Variants in FAM78A observed in about 807,000 individuals in gnomAD.
FAM78A encodes the protein protein FAM78A.
A neutral mutation model predicts 22.6 loss-of-function variants in FAM78A; 12 were observed. That is an observed-to-expected ratio of 0.53 (90% CI 0.34 to 0.86). FAM78A has a LOEUF of 0.86. Among genes scored for constraint, FAM78A ranks in the 40% least tolerant of loss-of-function variants. FAM78A has a pLI of 0.02. For synonymous variants in FAM78A, 151 were observed against 155.8 expected (o/e 0.97, Z 0.23); for missense variants, 322 against 396.1 (o/e 0.81, Z 1.59).
chr9:131,270,588 G>T, intron 1 of FAM78A: 1 of 708,812 alleles, frequency 1.4e-6, no homozygotes, highest in Middle Eastern at 2.8e-4. Flanking sequence ...CCACCCCAAA[G>T]CCTTGAAACA....
chr9:131,260,431 G>GT lies in FAM78A; in HGVS notation c.*390_*391insA. ...CAGTGTGGATCTGTCTCTTTGATCG[G>GT]GGGCTGGAGCTTCCCTCCTAATCAG... is the stretch of plus-strand genomic sequence containing the variant. On this transcript the variant is annotated 3_prime_UTR_variant, in exon 2 of 2. Coordinates refer to ENST00000372271, the MANE Select transcript of FAM78A (RefSeq NM_033387.4). This position sits in a 1 kb window ranked among gnomAD's most constrained non-coding sequence, Gnocchi z 5.4. 1.8e-5 allele frequency: 3 copies of GT among 170,578 alleles called. No individual in the cohort carries two copies. Among genetic ancestry groups the GT allele is most frequent in the Non-Finnish European group, 3.7e-5 (3 of 80,670 alleles). 10.6% of individuals were successfully genotyped at this position (170,578 alleles called of 1,614,324 possible).
rs556034340 is a variant in FAM78A, at chr9:131,275,240, G to C, written c.323+617C>G. Among the ~76,000 whole-genome samples the C allele has an allele frequency of 6.6e-6, 1 of 152,174 alleles. No homozygotes were observed. The highest frequency in any genetic ancestry group is 2.4e-5 in the African/African-American group (1 of 41,430). On this transcript the variant is annotated intron_variant, in intron 1 of 1. Transcript: ENST00000372271. The surrounding 1 kb of genome is among the most constrained non-coding windows in gnomAD (Gnocchi z 4.6). ...GACACTGGACTTGTCTGCATAAAGC[G>C]GTCTTCTGCCTTGGAGACAGAAAGC...
At position 131,275,967 on chromosome 9, in the gene FAM78A, G is replaced by C. The variant is rs1835478889; in HGVS notation, c.213C>G (p.Ala71=). 1.2e-6 allele frequency: 2 copies of C among 1,613,580 alleles called. No homozygotes were observed. Among genetic ancestry groups the C allele is most frequent in the Non-Finnish European group, 1.7e-6 (2 of 1,180,034 alleles). Residue 71 remains alanine, a synonymous_variant, in exon 1 of 2, where the codon GCC becomes GCG. Transcript: ENST00000372271. The surrounding 1 kb of genome is among the most constrained non-coding windows in gnomAD (Gnocchi z 4.6). ...TGGGCGGCATGACCACCTGGGCCGA[G>C]GCCCGGAAGTGGGGTGTCCGGTAGC... ...VLRYRTPHFR[A]SAQVVMPPIP...
Position 131,260,441 on chromosome 9 carries a change from C to CA in FAM78A, c.*380_*381insT. The stretch of plus-strand genomic sequence containing the variant: ...CTGTCTCTTTGATCGGGGGCTGGAG[C>CA]TTCCCTCCTAATCAGCTCCCCCTCC... On this transcript the variant is annotated 3_prime_UTR_variant, in exon 2 of 2. Coordinates refer to ENST00000372271, the MANE Select transcript of FAM78A (RefSeq NM_033387.4). The surrounding 1 kb of genome is among the most constrained non-coding windows in gnomAD (Gnocchi z 5.4). The CA allele has an allele frequency of 5.8e-6, 1 of 173,662 alleles. No homozygotes were observed. Among genetic ancestry groups the CA allele is most frequent in the Non-Finnish European group, 1.2e-5 (1 of 82,708 alleles). The allele number at this position is 173,662 out of a possible 1,614,324, so 10.8% of individuals were successfully genotyped here.
At position 131,260,638 on chromosome 9, in the gene FAM78A, CT is replaced by C. The variant is rs571693531; in HGVS notation, c.*183del. ...TGTCTGTCCTGCTTAGATCTCCCCT[CT>C]CCCTGAAAGGAAGCAGGTGCCGAGA... On this transcript the variant is annotated 3_prime_UTR_variant, in exon 2 of 2. Coordinates refer to ENST00000372271, the MANE Select transcript of FAM78A (RefSeq NM_033387.4). This position sits in a 1 kb window ranked among gnomAD's most constrained non-coding sequence, Gnocchi z 5.4. The C allele has an allele frequency of 1.2e-3, 726 of 613,414 alleles. 22 individuals are homozygous for C. The Admixed American group carries it at 0.023, about 20-fold the overall frequency. 38.0% of individuals were successfully genotyped at this position (613,414 alleles called of 1,614,324 possible).
At chr9:131,269,863 A>G (rs1000117219) in intron 1 of FAM78A, among the ~76,000 whole-genome samples, 1 of 152,022 alleles carries the variant, frequency 6.6e-6, no homozygotes, top group Admixed American at 6.6e-5. Context: ...TCCAATATGC[A>G]GGCCCTGAGC....
intron 1 of FAM78A, among the ~76,000 whole-genome samples, chr9:131,270,981 C>A (rs1835414138): frequency 6.6e-6 from 1 of 151,198 alleles, no homozygotes; most frequent in Non-Finnish European, 1.5e-5. Context: ...TCCACCCCTG[C>A]CCTGTCCTTT....
At position 131,275,873 on chromosome 9, in the gene FAM78A, A is replaced by C; in HGVS notation, c.307T>G (p.Tyr103Asp). The C allele has an allele frequency of 6.3e-7, 1 of 1,596,232 alleles. No individual in the cohort carries two copies. Among genetic ancestry groups the C allele is most frequent in the Non-Finnish European group, 8.6e-7 (1 of 1,168,998 alleles). The change falls in exon 1 of 2, where the codon TAC becomes GAC. Residue 103 changes from tyrosine to aspartate, a missense_variant. Tyr to Asp is a radical substitution (Grantham distance 160, BLOSUM62 -3). Transcript: ENST00000372271. This position sits in a 1 kb window ranked among gnomAD's most constrained non-coding sequence, Gnocchi z 4.6. ...CGTACTCACATGCCCTGCTCGCCGT[A>C]CTGGTTGTAGAACTCCATGTGGCTG... The part of the protein sequence containing the change: ...ACSHMEFYNQ[Y>D]GEQGMSSWEL...
upstream of FAM78A, among the ~76,000 whole-genome samples, chr9:131,280,898 GTCA>G (rs1164631651): frequency 6.6e-6 from 1 of 152,212 alleles, no homozygotes; most frequent in African/African-American, 2.4e-5. Flanking sequence ...ACCCGACCCT[GTCA>G]TCATCCCATT....
chr9:131,268,481 T>C (rs1835373613), intron 1 of FAM78A, among the ~76,000 whole-genome samples: 1 of 152,068 alleles, frequency 6.6e-6, no homozygotes, highest in Non-Finnish European at 1.5e-5. Flanking sequence ...ACAAACCCCA[T>C]TCCTTCTGGG....
Position 131,264,875 on chromosome 9 carries a change from C to G in FAM78A, c.324-3525G>C, listed in dbSNP as rs10116616. Among the ~76,000 whole-genome samples the G allele has an allele frequency of 6.7e-3, 1,016 of 152,186 alleles. 14 individuals are homozygous for G. Among genetic ancestry groups the G allele is most frequent in the African/African-American group, 0.023 (949 of 41,504 alleles). ...AGTAGGTAGGACCACAGGCACCCAC[C>G]ACCACGCCCAGCTAATTTTGTACTT... On this transcript the variant is annotated intron_variant, in intron 1 of 1. Transcript: ENST00000372271.
chr9:131,271,001 CTTTTTTTTT>C (rs60077536), intron 1 of FAM78A, among the ~76,000 whole-genome samples: 1 of 70,402 alleles, frequency 1.4e-5, no homozygotes, highest in South Asian at 6.8e-4. Context: ...TCCCACCAGT[CTTTTTTTTT>C]TTTTTTTTTT....
rs1259077264 is a variant in FAM78A, at chr9:131,265,318, T to C, written c.324-3968A>G. The stretch of plus-strand genomic sequence containing the variant: ...CTGGCCAGGCCGGAGTGCAATGGCA[T>C]GATCTCAGCTCACTGCAACCTCTGC... On this transcript the variant is annotated intron_variant, in intron 1 of 1. Transcript: ENST00000372271. The surrounding 1 kb of genome is among the most constrained non-coding windows in gnomAD (Gnocchi z 4.3). Among the ~76,000 whole-genome samples, 2 of 152,170 alleles carry C rather than the reference T, an allele frequency of 1.3e-5. No homozygotes were observed. The highest frequency in any genetic ancestry group is 6.5e-5 in the Admixed American group (1 of 15,276).
rs1835466805 is a variant in FAM78A at position 131,275,140 on chromosome 9, C to T, written c.323+717G>A. ...ACCGGGACCCCCAATACCCTAGGCA[C>T]ACTCTGGAGACCGGGCTTTGGGGCT... On this transcript the variant is annotated intron_variant, in intron 1 of 1. Transcript: ENST00000372271. The surrounding 1 kb of genome is among the most constrained non-coding windows in gnomAD (Gnocchi z 4.6). 6.6e-6 allele frequency among the ~76,000 whole-genome samples: 1 copy of T among 152,222 alleles called. No homozygotes were observed. Among genetic ancestry groups the T allele is most frequent in the Non-Finnish European group, 1.5e-5 (1 of 68,042 alleles).
At position 131,260,802 on chromosome 9, in the gene FAM78A, CTAGCG is replaced by C. The variant is rs1835252859; in HGVS notation, c.*15_*19del. 6.6e-7 allele frequency: 1 copy of C among 1,513,080 alleles called. No individual in the cohort carries two copies. Among genetic ancestry groups the C allele is most frequent in the African/African-American group, 1.4e-5 (1 of 71,582 alleles). 93.7% of individuals were successfully genotyped at this position (1,513,080 alleles called of 1,614,324 possible). ...CGGTATTATTATTTGTGAGTCTAAC[CTAGCG>C]GGTGGTCCTGGCTGTCACCGGTGCT... On this transcript the variant is annotated 3_prime_UTR_variant, in exon 2 of 2. Transcript: ENST00000372271. This position sits in a 1 kb window ranked among gnomAD's most constrained non-coding sequence, Gnocchi z 5.4.
At position 131,276,259 on chromosome 9, in the gene FAM78A, T is replaced by C. The variant is rs1354665242; in HGVS notation, c.-80A>G. 7 of 1,232,932 alleles carry C rather than the reference T, an allele frequency of 5.7e-6. No individual in the cohort carries two copies. Among genetic ancestry groups the C allele is most frequent in the South Asian group, 2.9e-5 (2 of 68,328 alleles). The allele number at this position is 1,232,932 out of a possible 1,614,324, so 76.4% of individuals were successfully genotyped here. A position where few individuals can be genotyped will look rare whatever the true frequency, so the allele number is the denominator to read the frequency against. ...ACTCTCAAGACCGATATCCATAGGA[T>C]AGAAAACTCACTGAGTAGACTGGGG... is the stretch of plus-strand genomic sequence containing the variant. On this transcript the variant is annotated 5_prime_UTR_variant, in exon 1 of 2. Coordinates refer to ENST00000372271, the MANE Select transcript of FAM78A (RefSeq NM_033387.4). The surrounding 1 kb of genome is among the most constrained non-coding windows in gnomAD (Gnocchi z 4.3).
chr9:131,273,782 C>T (rs1035309104), intron 1 of FAM78A, among the ~76,000 whole-genome samples: 15 of 152,248 alleles, frequency 9.9e-5, no homozygotes, highest in African/African-American at 1.2e-4. Context: ...ACCAGCTTGG[C>T]GCAGGGCTGA....
rs1016570937 is a variant in FAM78A at position 131,274,381 on chromosome 9, G to A, written c.323+1476C>T. 6.6e-6 allele frequency among the ~76,000 whole-genome samples: 1 copy of A among 152,186 alleles called. No homozygotes were observed. Among genetic ancestry groups the A allele is most frequent in the Admixed American group, 6.5e-5 (1 of 15,278 alleles). On this transcript the variant is annotated intron_variant, in intron 1 of 1. Coordinates refer to ENST00000372271, the MANE Select transcript of FAM78A (RefSeq NM_033387.4). This position sits in a 1 kb window ranked among gnomAD's most constrained non-coding sequence, Gnocchi z 4.2. ...CCCGAGGAGGTTTCTGGGCTTAAGCGTTCTTAGAAAAGGTCCTCACTGCAT... is the reference window on the plus strand; with the variant it reads ...CCCGAGGAGGTTTCTGGGCTTAAGCATTCTTAGAAAAGGTCCTCACTGCAT...
rs1313511789 is a variant in FAM78A at position 131,272,001 on chromosome 9, T to C, written c.323+3856A>G. On this transcript the variant is annotated intron_variant, in intron 1 of 1. Coordinates refer to ENST00000372271, the MANE Select transcript of FAM78A (RefSeq NM_033387.4). The surrounding 1 kb of genome is among the most constrained non-coding windows in gnomAD (Gnocchi z 4.1). ...TCTTTTCCAGCTCTGTCTGCAAAAGTCAGGGTATTATTGAGATGGTGGTTT... is the reference window on the plus strand; with the variant it reads ...TCTTTTCCAGCTCTGTCTGCAAAAGCCAGGGTATTATTGAGATGGTGGTTT... 6.6e-6 allele frequency among the ~76,000 whole-genome samples: 1 copy of C among 152,018 alleles called. No individual in the cohort carries two copies. The highest frequency in any genetic ancestry group is 1.5e-5 in the Non-Finnish European group (1 of 67,986).
Sources: gnomAD v4.1 joint callset for allele counts (sites outside exome capture counted in the v4.1 genomes callset) on GRCh38, gnomAD v4.1.1 for gene constraint, Gnocchi (gnomAD v3.1) non-coding constraint, MANE v1.5 for transcripts, NCBI Gene and HGNC (gene_info 2026-07-23, HGNC 2026-07-21) for gene names.